KAZN: variants seen among roughly 807,000 people sequenced by gnomAD.
KAZN encodes kazrin, periplakin interacting protein.
A neutral mutation model predicts 87.4 loss-of-function variants in KAZN; 40 were observed. That is an observed-to-expected ratio of 0.46 (90% CI 0.36 to 0.60). The LOEUF is 0.60. Ranked by LOEUF, KAZN falls within the 20% of genes least tolerant of loss-of-function variation. KAZN has a pLI of 0.00. For synonymous variants in KAZN, 466 were observed against 458.3 expected (o/e 1.02, Z -0.22); for missense variants, 898 against 1,073.9 (o/e 0.84, Z 2.29).
intron 2 of KAZN, among the ~76,000 whole-genome samples, chr1:14,986,467 A>C (rs1279500381): frequency 6.6e-6 from 1 of 152,224 alleles, no homozygotes; most frequent in African/African-American, 2.4e-5. Context: ...ATATTTTAAT[A>C]TTAAGGCAGC....
intron 1 of KAZN, chr1:14,946,072 G>A (rs1465027746): frequency 7.4e-6 from 2 of 269,226 alleles, no homozygotes; most frequent in Non-Finnish European, 1.1e-5. Flanking sequence ...GGGAAGTGAC[G>A]TGCCAGGGTC....
intron 1 of KAZN, among the ~76,000 whole-genome samples, chr1:14,865,987 C>T (rs1473796387): frequency 1.3e-5 from 2 of 152,138 alleles, no homozygotes; most frequent in Non-Finnish European, 2.9e-5. Flanking sequence ...GCCGACACCT[C>T]GATCCCAGCC....
intron 1 of KAZN, among the ~76,000 whole-genome samples, chr1:14,821,655 A>C (rs990193986): frequency 2.0e-5 from 3 of 152,116 alleles, no homozygotes; most frequent in Non-Finnish European, 4.4e-5. Context: ...TCTCAGGGAG[A>C]AGACAGCCGT....
intron 2 of KAZN, among the ~76,000 whole-genome samples, chr1:14,531,662 T>C (rs1201524489): frequency 6.6e-6 from 1 of 152,224 alleles, no homozygotes; most frequent in African/African-American, 2.4e-5. Context: ...TAATTTACTT[T>C]ATCTTCCCAA....
chr1:14,909,145 G>A (rs1206769355), intron 1 of KAZN, among the ~76,000 whole-genome samples: 1 of 152,192 alleles, frequency 6.6e-6, no homozygotes, highest in East Asian at 1.9e-4. Context: ...AACAGTAATA[G>A]TATATACTTT....
intron 1 of KAZN, among the ~76,000 whole-genome samples, chr1:14,721,118 C>T (rs372285486): frequency 1.2e-3 from 182 of 152,320 alleles, no homozygotes; most frequent in African/African-American, 4.0e-3. Context: ...AACCATGAAG[C>T]CCTGTTGATG....
chr1:14,052,774 A>G (rs1356750325), intron 1 of KAZN, among the ~76,000 whole-genome samples: 1 of 152,192 alleles, frequency 6.6e-6, no homozygotes, highest in Non-Finnish European at 1.5e-5. Context: ...ACATTCGAGC[A>G]AGGAGCTGAA....
intron 2 of KAZN, among the ~76,000 whole-genome samples, chr1:14,579,878 C>G (rs1488522431): frequency 6.6e-6 from 1 of 151,290 alleles, no homozygotes; most frequent in Admixed American, 6.6e-5. Flanking sequence ...TAATAAGCGG[C>G]AGAGAACCCA....
intron 1 of KAZN, among the ~76,000 whole-genome samples, chr1:13,990,687 C>T (rs1557767590): frequency 6.6e-6 from 1 of 152,008 alleles, no homozygotes; most frequent in African/African-American, 2.4e-5. Flanking sequence ...CACATTTTAC[C>T]TCAAAAGAAA....
At chr1:14,102,808 C>A (rs1004293273) in intron 1 of KAZN, among the ~76,000 whole-genome samples, 5 of 152,100 alleles carry the variant, frequency 3.3e-5, no homozygotes, top group African/African-American at 1.2e-4. Context: ...GGAGGCCAGG[C>A]GTCTGAGATC....
At chr1:14,796,622 C>A (rs1286809236) in intron 1 of KAZN, among the ~76,000 whole-genome samples, 1 of 152,240 alleles carries the variant, frequency 6.6e-6, no homozygotes, top group Non-Finnish European at 1.5e-5. Flanking sequence ...CGGCTCAGCT[C>A]TATGTATCGC....
intron 1 of KAZN, among the ~76,000 whole-genome samples, chr1:14,760,272 C>T (rs1263092723): frequency 6.6e-6 from 1 of 152,150 alleles, no homozygotes; most frequent in East Asian, 1.9e-4. Flanking sequence ...CTGAGAAACG[C>T]CCCCAAGATA....
intron 1 of KAZN, among the ~76,000 whole-genome samples, chr1:14,842,706 C>T (rs1194169314): frequency 6.6e-6 from 1 of 152,318 alleles, no homozygotes; most frequent in East Asian, 1.9e-4. Context: ...AGGAGCAGTA[C>T]AATTTGCAAG....
intron 13 of KAZN, among the ~76,000 whole-genome samples, chr1:15,110,067 CTG>C (rs55700756): frequency 0.89 from 134,688 of 150,676 alleles, 60,218 homozygotes; most frequent in East Asian, 0.97. Flanking sequence ...GTGTGTGTGC[CTG>C]TGTGTGTATG....
intron 8 of KAZN, among the ~76,000 whole-genome samples, chr1:15,068,807 A>C (rs1288878977): frequency 6.6e-6 from 1 of 152,000 alleles, no homozygotes; most frequent in Non-Finnish European, 1.5e-5. Context: ...ACTGAAAAAA[A>C]ATTTTCCCCG....
chr1:15,001,432 C>CTTCA (rs1413632153), intron 2 of KAZN, among the ~76,000 whole-genome samples: 1 of 151,468 alleles, frequency 6.6e-6, no homozygotes, highest in Non-Finnish European at 1.5e-5. Flanking sequence ...CACCACTACA[C>CTTCA]TTCAACCTGG....
chr1:14,947,065 G>T (rs939868995), intron 1 of KAZN, among the ~76,000 whole-genome samples: 1 of 152,154 alleles, frequency 6.6e-6, no homozygotes, highest in African/African-American at 2.4e-5. Flanking sequence ...GAGACACTGG[G>T]TGTTATGCTG....
intron 1 of KAZN, among the ~76,000 whole-genome samples, chr1:14,706,874 C>A (rs1266625417): frequency 2.0e-5 from 3 of 152,188 alleles, no homozygotes; most frequent in Non-Finnish European, 4.4e-5. Flanking sequence ...TGCCTACTTT[C>A]ACCCACCTCC....
rs1650119300 is a variant in KAZN at position 14,856,459 on chromosome 1, A to C, written c.227-104225A>C. Among the ~76,000 whole-genome samples the C allele has an allele frequency of 6.6e-6, 1 of 152,212 alleles. No homozygotes were observed. Among genetic ancestry groups the C allele is most frequent in the Non-Finnish European group, 1.5e-5 (1 of 68,038 alleles). ...AGACATTACAAAGGGCTGGGAATTAATATATACATAAGCGCATCTGCTCTA... is the reference window on the plus strand; with the variant it reads ...AGACATTACAAAGGGCTGGGAATTACTATATACATAAGCGCATCTGCTCTA... On this transcript the variant is annotated intron_variant, in intron 1 of 14. Transcript: ENST00000376030. This position sits in a 1 kb window ranked among gnomAD's most constrained non-coding sequence, Gnocchi z 5.2.
Sources: gnomAD v4.1 joint callset for allele counts (sites outside exome capture counted in the v4.1 genomes callset) on GRCh38, gnomAD v4.1.1 for gene constraint, Gnocchi (gnomAD v3.1) non-coding constraint, MANE v1.5 for transcripts, NCBI Gene and HGNC (gene_info 2026-07-23, HGNC 2026-07-21) for gene names.